The following HYAL4 variants were observed in gnomAD, a reference collection of about 807,000 sequenced individuals.
The protein encoded by HYAL4 is hyaluronidase-4.
Under a neutral mutation model 35.2 loss-of-function variants are expected in HYAL4, and 37 were observed. The observed-to-expected ratio is 1.05, with a 90% CI of 0.81 to 1.38. The LOEUF (loss-of-function observed/expected upper bound fraction) is 1.38. Among genes scored for constraint, HYAL4 ranks in the 40% most tolerant of loss-of-function variants. The pLI, the probability that HYAL4 is intolerant of heterozygous loss-of-function variation, is 0.00. For synonymous variants in HYAL4, 198 were observed against 203.2 expected, an observed-to-expected ratio of 0.97 and a Z score of 0.22; for missense variants, 572 against 572.4, an observed-to-expected ratio of 1.00 and a Z score of 0.01.
chr7:123,875,656 CA>C (rs1167401861), intron 4 of HYAL4, among the ~76,000 whole-genome samples: 123 of 62,748 alleles, frequency 2.0e-3, no homozygotes, highest in South Asian at 9.2e-3. Flanking sequence ...GACTCCATCT[CA>C]AAAAAAAAAA....
At chr7:123,823,760 C>T in the HYAL4 span, among the ~76,000 whole-genome samples, 3 of 148,594 alleles carry the variant, frequency 2.0e-5, no homozygotes, top group East Asian at 2.0e-4. Context: ...CACACACACA[C>T]ATATATTTAT....
the HYAL4 span, among the ~76,000 whole-genome samples, chr7:123,823,663 T>C: frequency 6.0e-5 from 9 of 150,554 alleles, no homozygotes; most frequent in Non-Finnish European, 1.5e-5. Context: ...ATTTGTTTTT[T>C]CATTTTTAGT....
chr7:123,797,763 G>A, the HYAL4 span, among the ~76,000 whole-genome samples: 3 of 152,034 alleles, frequency 2.0e-5, no homozygotes, highest in Non-Finnish European at 2.9e-5. Flanking sequence ...ACTAGACTCT[G>A]CTTTAACTCG....
At chr7:123,779,987 A>G in the HYAL4 span, among the ~76,000 whole-genome samples, 311 of 152,346 alleles carry the variant, frequency 2.0e-3, 1 homozygote, top group African/African-American at 7.0e-3. Context: ...AATTAGCTGT[A>G]ATACAGTATA....
chr7:123,869,737 G>T (rs998819575), intron 3 of HYAL4, among the ~76,000 whole-genome samples: 2 of 151,690 alleles, frequency 1.3e-5, no homozygotes, highest in Non-Finnish European at 2.9e-5. Flanking sequence ...ACCTAGGCTG[G>T]AGTGTAATGA....
intron 2 of HYAL4, among the ~76,000 whole-genome samples, chr7:123,859,497 A>G (rs1204689244): frequency 2.0e-5 from 3 of 152,238 alleles, no homozygotes; most frequent in Non-Finnish European, 4.4e-5. Flanking sequence ...ATCAATAATT[A>G]GCTTTTAATA....
chr7:123,816,733 A>G, the HYAL4 span, among the ~76,000 whole-genome samples: 3 of 152,234 alleles, frequency 2.0e-5, no homozygotes, highest in Non-Finnish European at 2.9e-5. Context: ...TCACCAAAAT[A>G]TATAGAATCA....
chr7:123,781,741 A>C, the HYAL4 span, among the ~76,000 whole-genome samples: 1 of 152,228 alleles, frequency 6.6e-6, no homozygotes, highest in African/African-American at 2.4e-5. Context: ...TATTGAAATA[A>C]TAATACTATG....
In HYAL4 at chr7:123,874,812, A is replaced by G. The variant is rs745689602; in HGVS notation, c.1006A>G (p.Ile336Val). ...GESAALGAAG[I>V]VIWGDMNLTA... ...AAGTGCTGCCTTGGGAGCTGCAGGCATTGTTATTTGGGGAGACATGAATTT... is the reference window on the plus strand; with the variant it reads ...AAGTGCTGCCTTGGGAGCTGCAGGCGTTGTTATTTGGGGAGACATGAATTT... Residue 336 changes from isoleucine (I) to valine (V), a missense_variant, in exon 4 of 5, where the codon ATT becomes GTT. Coordinates refer to ENST00000223026, the MANE Select transcript of HYAL4 (RefSeq NM_012269.3). 6.2e-6 allele frequency: 10 copies of G among 1,610,062 alleles called. No homozygotes were observed. In the South Asian group the frequency reaches 1.1e-4, roughly 18 times the overall value.
chr7:123,797,796 A>G, the HYAL4 span, among the ~76,000 whole-genome samples: 75 of 152,328 alleles, frequency 4.9e-4, no homozygotes, highest in African/African-American at 1.6e-3. Context: ...ACAAGTAGCT[A>G]TCAATCAAAA....
chr7:123,829,253 C>G (rs1805844897), intron 1 of HYAL4: 1 of 152,234 alleles, frequency 6.6e-6, no homozygotes, highest in Non-Finnish European at 1.5e-5. Flanking sequence ...ACCGTCTTGT[C>G]ACGATCACTC....
chr7:123,793,850 T>C, the HYAL4 span, among the ~76,000 whole-genome samples: 1 of 152,012 alleles, frequency 6.6e-6, no homozygotes, highest in Non-Finnish European at 1.5e-5. Flanking sequence ...TACCCCAAAA[T>C]GTGGAAGCGA....
chr7:123,789,323 G>A, the HYAL4 span, among the ~76,000 whole-genome samples: 2 of 152,136 alleles, frequency 1.3e-5, no homozygotes, highest in African/African-American at 4.8e-5. Context: ...AGCTTAGAAG[G>A]GTCAGCTTAG....
chr7:123,795,977 A>G, the HYAL4 span, among the ~76,000 whole-genome samples: 3 of 152,216 alleles, frequency 2.0e-5, no homozygotes, highest in Non-Finnish European at 4.4e-5. Flanking sequence ...ATAGGATAAG[A>G]TGCTTCGTTT....
upstream of HYAL4, among the ~76,000 whole-genome samples, chr7:123,827,059 A>G (rs558902814): frequency 2.2e-4 from 34 of 152,122 alleles, no homozygotes; most frequent in Non-Finnish European, 4.0e-4. Flanking sequence ...AGGTGGGTAT[A>G]TAATCAATTC....
chr7:123,873,441 A>G (rs1307280661), intron 3 of HYAL4, among the ~76,000 whole-genome samples: 4 of 152,020 alleles, frequency 2.6e-5, no homozygotes, highest in Non-Finnish European at 5.9e-5. Context: ...ATATTGTAAA[A>G]CCTTTTTTTG....
At chr7:123,832,481 T>C (rs1386176992) in intron 1 of HYAL4, among the ~76,000 whole-genome samples, 1 of 17,096 alleles carries the variant, frequency 5.8e-5, no homozygotes, top group African/African-American at 2.5e-4. Context: ...GTGTCATACT[T>C]TTTTTTTTTT....
the HYAL4 span, among the ~76,000 whole-genome samples, chr7:123,793,137 C>G: frequency 6.6e-6 from 1 of 152,176 alleles, no homozygotes; most frequent in African/African-American, 2.4e-5. Context: ...GGTCAAGAAG[C>G]TTTGGAACTT....
chr7:123,820,391 C>T, the HYAL4 span, among the ~76,000 whole-genome samples: 1 of 151,856 alleles, frequency 6.6e-6, no homozygotes, highest in Non-Finnish European at 1.5e-5. Context: ...CGAGACCAGC[C>T]TGACCAACAT....
Sources: allele counts gnomAD v4.1 joint callset (sites outside exome capture counted in the v4.1 genomes callset), GRCh38; gene constraint gnomAD v4.1.1; transcripts MANE v1.5; gene names NCBI Gene and HGNC (gene_info 2026-07-23, HGNC 2026-07-21).